NME7: variants seen among roughly 807,000 people sequenced by gnomAD.
NME7 encodes NME/NM23 family member 7.
Under a neutral mutation model 49.1 loss-of-function variants are expected in NME7, and 41 were observed. The observed-to-expected ratio is 0.83, with a 90% CI of 0.65 to 1.08. The LOEUF is 1.08. NME7 is among the 50% of genes least tolerant of loss of function. The pLI, the probability that NME7 is intolerant of heterozygous loss-of-function variation, is 0.00. For synonymous variants in NME7, 139 were observed against 150.6 expected (o/e 0.92, Z 0.56); for missense variants, 423 against 463.4 (o/e 0.91, Z 0.80).
At chr1:169,324,581 C>A in intron 1 of NME7, 81 bp from the exon 2 acceptor site, 2 of 833,900 alleles carry the variant, frequency 2.4e-6, no homozygotes, top group Non-Finnish European at 3.9e-6. Flanking sequence ...AATGAAATTA[C>A]CAATATGCAA....
chr1:169,150,511 G>T (rs1245204433), intron 11 of NME7, among the ~76,000 whole-genome samples: 2 of 152,084 alleles, frequency 1.3e-5, no homozygotes, highest in Non-Finnish European at 2.9e-5. Flanking sequence ...CATAGTAAAG[G>T]CCTACAAAAT....
chr1:169,141,410 T>G (rs113272351), intron 11 of NME7, among the ~76,000 whole-genome samples: 3 of 152,272 alleles, frequency 2.0e-5, no homozygotes, highest in Non-Finnish European at 4.4e-5. Flanking sequence ...CCTTGGGTAT[T>G]GATAAGGAAA....
chr1:169,211,932 C>T (rs927035893), intron 10 of NME7, among the ~76,000 whole-genome samples: 1 of 151,928 alleles, frequency 6.6e-6, no homozygotes, highest in Non-Finnish European at 1.5e-5. Context: ...TTGTTTTATA[C>T]AGTAGTTTAA....
At chr1:169,280,306 T>C (rs926763708) in intron 7 of NME7, among the ~76,000 whole-genome samples, 1 of 152,242 alleles carries the variant, frequency 6.6e-6, no homozygotes, top group Non-Finnish European at 1.5e-5. Context: ...TGGGGTTGTT[T>C]GTTTTTTTCT....
chr1:169,225,066 C>T (rs1469627909), intron 10 of NME7, among the ~76,000 whole-genome samples: 3 of 152,078 alleles, frequency 2.0e-5, no homozygotes, highest in Admixed American at 2.0e-4. Context: ...AGAAGAAAGA[C>T]ACTGGTTTAT....
chr1:169,191,884 C>A (rs930378410), intron 10 of NME7, among the ~76,000 whole-genome samples: 9 of 152,114 alleles, frequency 5.9e-5, no homozygotes, highest in African/African-American at 2.2e-4. Flanking sequence ...AGACACTGGT[C>A]ACTCAGAATG....
intron 10 of NME7, among the ~76,000 whole-genome samples, chr1:169,202,980 A>G (rs900034279): frequency 7.0e-6 from 1 of 142,654 alleles, no homozygotes; most frequent in Admixed American, 6.9e-5. Context: ...GCGGGCAGGG[A>G]GGGTGGGTCC....
At position 169,253,474 on chromosome 1, in the gene NME7, G is replaced by A. The variant is rs1365612580; in HGVS notation, c.755-15787C>T. Among the ~76,000 whole-genome samples, 4 of 151,846 alleles carry A rather than the reference G, an allele frequency of 2.6e-5. 1 individual carries two copies. The highest frequency in any genetic ancestry group is 4.4e-5 in the Non-Finnish European group (3 of 67,966). On this transcript the variant is annotated intron_variant, in intron 7 of 11. Transcript: ENST00000367811. ...AAGGAGATTTTGGGCTGAGACAATG[G>A]GGTTTTCTAGATATACAATCATGTC...
chr1:169,223,670 T>C (rs1482557576), intron 10 of NME7, among the ~76,000 whole-genome samples: 1 of 152,130 alleles, frequency 6.6e-6, no homozygotes. Context: ...CCATTTCACT[T>C]CTCTGAGGAT....
chr1:169,146,315 G>A (rs1658747658), intron 11 of NME7, among the ~76,000 whole-genome samples: 3 of 152,178 alleles, frequency 2.0e-5, no homozygotes, highest in Non-Finnish European at 4.4e-5. Context: ...TATACCATGA[G>A]ATGGAAATTT....
At chr1:169,346,607 G>A (rs534190888) in intron 1 of NME7, among the ~76,000 whole-genome samples, 10 of 151,972 alleles carry the variant, frequency 6.6e-5, no homozygotes, top group South Asian at 2.1e-4. Flanking sequence ...TTTTTTTCCC[G>A]TAGCACTTAT....
At chr1:169,341,625 C>A (rs1557830508) in intron 1 of NME7, among the ~76,000 whole-genome samples, 2 of 152,140 alleles carry the variant, frequency 1.3e-5, no homozygotes, top group Non-Finnish European at 2.9e-5. Flanking sequence ...TCGATGCCAG[C>A]CTTTGAAAGC....
chr1:169,205,699 T>C (rs554241311), intron 10 of NME7, among the ~76,000 whole-genome samples: 1 of 152,136 alleles, frequency 6.6e-6, no homozygotes, highest in African/African-American at 2.4e-5. Context: ...GGCCCCACTT[T>C]GTCTATTCAC....
chr1:169,164,789 T>C (rs12023291), intron 11 of NME7, among the ~76,000 whole-genome samples: 16,545 of 152,214 alleles, frequency 0.11, 951 homozygotes, highest in East Asian at 0.17. Context: ...GCCACTCTCT[T>C]CCTTTGCTTA....
At chr1:169,277,045 C>G (rs371592690) in intron 7 of NME7, among the ~76,000 whole-genome samples, 5 of 149,342 alleles carry the variant, frequency 3.3e-5, no homozygotes, top group Non-Finnish European at 4.5e-5. Flanking sequence ...GCACTGTGGT[C>G]TGAGAGACAG....
chr1:169,134,058 C>T (rs982135984), intron 11 of NME7, among the ~76,000 whole-genome samples: 9 of 152,292 alleles, frequency 5.9e-5, no homozygotes, highest in African/African-American at 2.2e-4. Context: ...CTTAATTTCT[C>T]CAGATTGTGC....
At chr1:169,152,996 A>T (rs1198061520) in intron 11 of NME7, among the ~76,000 whole-genome samples, 1 of 152,050 alleles carries the variant, frequency 6.6e-6, no homozygotes, top group Non-Finnish European at 1.5e-5. Flanking sequence ...TAGTTTTATC[A>T]ATAAATCAAA....
chr1:169,342,078 A>AG (rs1652727549), intron 1 of NME7, among the ~76,000 whole-genome samples: 1 of 152,090 alleles, frequency 6.6e-6, no homozygotes, highest in Non-Finnish European at 1.5e-5. Context: ...GAGATTTGGG[A>AG]GGGGCCAGGG....
chr1:169,228,945 T>C (rs1647468453), intron 10 of NME7, among the ~76,000 whole-genome samples: 1 of 152,222 alleles, frequency 6.6e-6, no homozygotes, highest in African/African-American at 2.4e-5. Context: ...TCTTTCTCCC[T>C]GAAAAGATAT....
Sources: gnomAD v4.1 joint callset for allele counts (sites outside exome capture counted in the v4.1 genomes callset) on GRCh38, gnomAD v4.1.1 for gene constraint, MANE v1.5 for transcripts, NCBI Gene and HGNC (gene_info 2026-07-23, HGNC 2026-07-21) for gene names.